Variants in PCDH15 observed in about 807,000 individuals in gnomAD.
The protein encoded by PCDH15 is protocadherin-15.
Under a neutral mutation model 178.5 loss-of-function variants are expected in PCDH15, and 129 were observed. The ratio of observed to expected loss-of-function variants is 0.72; its 90% CI spans 0.63 to 0.84. PCDH15 has a LOEUF of 0.84. Ranked by LOEUF, PCDH15 falls within the 40% of genes least tolerant of loss-of-function variation. PCDH15 has a pLI of 0.00. For synonymous variants in PCDH15, 800 were observed against 732.0 expected (o/e 1.09, Z -1.50); for missense variants, 2,230 against 2,099.9 (o/e 1.06, Z -1.21).
Position 55,609,015 on chromosome 10 carries a change from TACAC to T in PCDH15, c.-156+18606_-156+18609del, listed in dbSNP as rs1290621408. 2.3e-3 allele frequency among the ~76,000 whole-genome samples: 289 copies of T among 126,886 alleles called. 1 individual carries two copies. Among genetic ancestry groups the T allele is most frequent in the African/African-American group, 5.7e-3 (181 of 31,654 alleles). 83.2% of individuals were successfully genotyped at this position (126,886 alleles called of 152,430 possible). A position where few individuals can be genotyped will look rare whatever the true frequency, so the allele number is the denominator to read the frequency against. On this transcript the variant is annotated intron_variant, in intron 2 of 5. Transcript: ENST00000613346. ...ACTATACATATATGTTATATATATA[TACAC>T]ACACACACACACACACACACACACA...
intron 29 of PCDH15, among the ~76,000 whole-genome samples, chr10:53,839,420 CATAAT>C (rs2077507253): frequency 6.6e-6 from 1 of 151,770 alleles, no homozygotes; most frequent in Non-Finnish European, 1.5e-5. Flanking sequence ...TTTACATACA[CATAAT>C]ATAGATATAT....
At chr10:54,588,614 G>A (rs746759919) in intron 2 of PCDH15, among the ~76,000 whole-genome samples, 4 of 152,098 alleles carry the variant, frequency 2.6e-5, no homozygotes, top group African/African-American at 9.7e-5. Context: ...ATCTCACTCT[G>A]TTGCCCAGCC....
intron 2 of PCDH15, among the ~76,000 whole-genome samples, chr10:54,648,313 A>G (rs2094177697): frequency 6.6e-6 from 1 of 152,138 alleles, no homozygotes; most frequent in Non-Finnish European, 1.5e-5. Flanking sequence ...CAGTCAGTGT[A>G]AATGTAGTTT....
chr10:54,000,240 T>C (rs999129288), intron 20 of PCDH15, among the ~76,000 whole-genome samples: 1 of 152,000 alleles, frequency 6.6e-6, no homozygotes, highest in Non-Finnish European at 1.5e-5. Flanking sequence ...CTGTGAAGAA[T>C]ACAATAAATA....
chr10:55,410,981 T>C (rs1464797785), intron 2 of PCDH15, among the ~76,000 whole-genome samples: 2 of 152,096 alleles, frequency 1.3e-5, no homozygotes, highest in Non-Finnish European at 2.9e-5. Context: ...ATCCAAGCAC[T>C]GAATAGAGTG....
intron 18 of PCDH15, among the ~76,000 whole-genome samples, chr10:54,064,997 C>T (rs1380622515): frequency 6.6e-6 from 1 of 152,192 alleles, no homozygotes; most frequent in Non-Finnish European, 1.5e-5. Context: ...GGTCATACCT[C>T]CTCTGCTGTA....
chr10:55,255,372 T>G (rs1282951110), intron 1 of PCDH15, among the ~76,000 whole-genome samples: 1 of 152,210 alleles, frequency 6.6e-6, no homozygotes, highest in Non-Finnish European at 1.5e-5. Context: ...TTTGGGTTGG[T>G]TCCAAGTCTT....
chr10:55,077,293 G>A lies in PCDH15; in HGVS notation c.-80+89283C>T, dbSNP rs184836118. ...ACATTCAAGGTTATTGGTATGTGAG[G>A]TTTTCTTCCTTTCACAGTGTATTTG... On this transcript the variant is annotated intron_variant, in intron 2 of 5. Coordinates refer to the PCDH15 transcript ENST00000458638. Among the ~76,000 whole-genome samples, 35 of 152,012 alleles carry A rather than the reference G, an allele frequency of 2.3e-4. No homozygotes were observed. In the East Asian group the frequency reaches 3.1e-3, roughly 13 times the overall value.
intron 2 of PCDH15, among the ~76,000 whole-genome samples, chr10:54,557,519 T>G (rs2087459944): frequency 6.6e-6 from 1 of 152,198 alleles, no homozygotes; most frequent in African/African-American, 2.4e-5. Context: ...TGTCTAATTC[T>G]GAATAGTTTT....
intron 8 of PCDH15, among the ~76,000 whole-genome samples, chr10:54,265,176 G>A (rs535657533): frequency 3.3e-5 from 5 of 152,118 alleles, no homozygotes; most frequent in Admixed American, 6.6e-5. Flanking sequence ...CTTCATAAAC[G>A]AAAGAGAAAT....
chr10:55,105,804 T>TA (rs1180400799), intron 2 of PCDH15, among the ~76,000 whole-genome samples: 2 of 152,088 alleles, frequency 1.3e-5, no homozygotes, highest in Non-Finnish European at 2.9e-5. Flanking sequence ...GTATGGTAGT[T>TA]AGACATTTTC....
chr10:54,399,174 G>C (rs1951619705), intron 3 of PCDH15, among the ~76,000 whole-genome samples: 1 of 151,958 alleles, frequency 6.6e-6, no homozygotes, highest in Non-Finnish European at 1.5e-5. Context: ...AAAAGAAACT[G>C]TTTCAGCCAA....
At chr10:54,229,596 A>C (rs1311358334) in intron 9 of PCDH15, among the ~76,000 whole-genome samples, 2 of 152,160 alleles carry the variant, frequency 1.3e-5, no homozygotes, top group African/African-American at 4.8e-5. Context: ...TCTTCTCGTG[A>C]AAGTGAATAA....
intron 1 of PCDH15, among the ~76,000 whole-genome samples, chr10:54,719,549 A>C (rs748411148): frequency 6.6e-6 from 1 of 151,906 alleles, no homozygotes; most frequent in African/African-American, 2.4e-5. Flanking sequence ...CTGGGATACG[A>C]GTGCAGAATG....
At chr10:54,914,962 C>T (rs1285663579) in intron 2 of PCDH15, among the ~76,000 whole-genome samples, 1 of 152,206 alleles carries the variant, frequency 6.6e-6, no homozygotes, top group Non-Finnish European at 1.5e-5. Context: ...TGATGGGTTA[C>T]TTCTTTGTGG....
At chr10:54,594,531 C>A (rs558416373) in intron 2 of PCDH15, among the ~76,000 whole-genome samples, 2 of 152,144 alleles carry the variant, frequency 1.3e-5, no homozygotes, top group Non-Finnish European at 2.9e-5. Flanking sequence ...CTGCAGCTGA[C>A]TGGGAGAGTG....
At chr10:54,948,589 G>A (rs1279002706) in intron 2 of PCDH15, among the ~76,000 whole-genome samples, 2 of 151,856 alleles carry the variant, frequency 1.3e-5, no homozygotes, top group East Asian at 1.9e-4. Flanking sequence ...AATCTGTTGA[G>A]GATCCCAAAA....
At chr10:54,193,375 AC>A (rs2049229186) in intron 11 of PCDH15, among the ~76,000 whole-genome samples, 2 of 152,210 alleles carry the variant, frequency 1.3e-5, no homozygotes, top group South Asian at 4.1e-4. Flanking sequence ...ACTTAAAACT[AC>A]CTAACTTTAG....
intron 16 of PCDH15, among the ~76,000 whole-genome samples, chr10:54,080,060 C>A (rs1248604156): frequency 6.6e-6 from 1 of 151,992 alleles, no homozygotes; most frequent in Non-Finnish European, 1.5e-5. Flanking sequence ...GAAGAGGAAT[C>A]ATTCTGCATA....
Sources: allele counts gnomAD v4.1 joint callset (sites outside exome capture counted in the v4.1 genomes callset), GRCh38; gene constraint gnomAD v4.1.1; transcripts MANE v1.5; gene names NCBI Gene and HGNC (gene_info 2026-07-23, HGNC 2026-07-21).